Variants in MAGI2 observed in about 807,000 individuals in gnomAD.
MAGI2 encodes the protein membrane associated guanylate kinase, WW and PDZ domain containing 2.
Under a neutral mutation model 133.3 loss-of-function variants are expected in MAGI2, and 35 were observed. The ratio of observed to expected loss-of-function variants is 0.26; its 90% CI spans 0.20 to 0.35. The LOEUF (loss-of-function observed/expected upper bound fraction) is 0.35, where lower values mean the gene tolerates loss of function less well. Among genes scored for constraint, MAGI2 ranks in the 10% least tolerant of loss-of-function variants. The probability of loss-of-function intolerance (pLI) is 1.00; values close to 1 mark genes in which losing one functional copy is unlikely to be tolerated. For synonymous variants in MAGI2, 729 were observed against 710.6 expected (o/e 1.03, Z -0.41); for missense variants, 1,636 against 1,863.4 (o/e 0.88, Z 2.25).
chr7:78,036,482 G>A (rs375497590), intron 21 of MAGI2, among the ~76,000 whole-genome samples: 2 of 152,266 alleles, frequency 1.3e-5, no homozygotes, highest in South Asian at 4.1e-4. Context: ...CTGTGCATGC[G>A]TTCTGTCATT....
intron 1 of MAGI2, among the ~76,000 whole-genome samples, chr7:79,210,949 C>T (rs190151064): frequency 5.3e-5 from 8 of 152,080 alleles, no homozygotes; most frequent in East Asian, 3.9e-4. Flanking sequence ...ATTCACTAAC[C>T]TAAGTAACCA....
At chr7:78,184,077 A>G (rs1045098620) in intron 13 of MAGI2, among the ~76,000 whole-genome samples, 2 of 152,236 alleles carry the variant, frequency 1.3e-5, no homozygotes, top group Non-Finnish European at 2.9e-5. Flanking sequence ...TGTCAAAGTA[A>G]TCTAAACTAC....
At chr7:78,237,028 C>T (rs1311470528) in intron 10 of MAGI2, among the ~76,000 whole-genome samples, 1 of 152,072 alleles carries the variant, frequency 6.6e-6, no homozygotes, top group Non-Finnish European at 1.5e-5. Flanking sequence ...TCAGTTATCT[C>T]TCACCAGGTC....
In MAGI2 at chr7:78,318,767, A is replaced by T. The variant is rs575618748; in HGVS notation, c.1408+25011T>A. Among the ~76,000 whole-genome samples, 270 of 152,312 alleles carry T rather than the reference A, an allele frequency of 1.8e-3. 2 individuals are homozygous for T. Among genetic ancestry groups the T allele is most frequent in the African/African-American group, 6.3e-3 (263 of 41,570 alleles). On this transcript the variant is annotated intron_variant, in intron 9 of 21. Coordinates refer to ENST00000354212, the MANE Select transcript of MAGI2 (RefSeq NM_012301.4). ...AGGAAGCCCATCAGACTAACAGAGG[A>T]TCTCTCTGCAGAAACCCTACAAGCC...
At chr7:78,498,570 A>G (rs936602817) in intron 5 of MAGI2, among the ~76,000 whole-genome samples, 1 of 152,234 alleles carries the variant, frequency 6.6e-6, no homozygotes, top group African/African-American at 2.4e-5. Flanking sequence ...AGTAAAGCAC[A>G]GTAAACCATA....
chr7:78,995,570 G>GT (rs933433257), intron 2 of MAGI2, among the ~76,000 whole-genome samples: 11 of 151,982 alleles, frequency 7.2e-5, no homozygotes, highest in African/African-American at 1.2e-4. Context: ...TTATCCATAT[G>GT]TTTTTTCAAT....
intron 2 of MAGI2, among the ~76,000 whole-genome samples, chr7:78,984,577 C>T (rs1421908943): frequency 6.6e-6 from 1 of 151,868 alleles, no homozygotes; most frequent in East Asian, 1.9e-4. Context: ...AAGGTCCTGC[C>T]TTCAGATATA....
chr7:78,028,408 T>C (rs1809176888), intron 21 of MAGI2, among the ~76,000 whole-genome samples: 1 of 152,240 alleles, frequency 6.6e-6, no homozygotes, highest in South Asian at 2.1e-4. Flanking sequence ...AAGTTTTAGC[T>C]ACCTCTATGG....
chr7:79,184,000 G>A (rs1004115856), intron 1 of MAGI2, among the ~76,000 whole-genome samples: 13 of 151,296 alleles, frequency 8.6e-5, no homozygotes, highest in African/African-American at 3.2e-4. Context: ...GAGAGTGGGG[G>A]AAAGCAGAGA....
chr7:78,141,808 C>G (rs919852251), intron 16 of MAGI2, among the ~76,000 whole-genome samples: 1 of 152,164 alleles, frequency 6.6e-6, no homozygotes, highest in Non-Finnish European at 1.5e-5. Context: ...GGAAGAAGGG[C>G]TCATCACTGG....
At chr7:79,076,746 C>A (rs1470039825) in intron 1 of MAGI2, among the ~76,000 whole-genome samples, 1 of 152,130 alleles carries the variant, frequency 6.6e-6, no homozygotes, top group Non-Finnish European at 1.5e-5. Flanking sequence ...ACAATGTAGA[C>A]ATACTGTAGA....
chr7:78,551,313 A>C (rs1313830356), intron 3 of MAGI2, among the ~76,000 whole-genome samples: 1 of 152,246 alleles, frequency 6.6e-6, no homozygotes, highest in Non-Finnish European at 1.5e-5. Flanking sequence ...TTCTGGGCTA[A>C]TGCATAGCAA....
intron 1 of MAGI2, among the ~76,000 whole-genome samples, chr7:79,443,058 G>A (rs1563228810): frequency 6.6e-6 from 1 of 152,060 alleles, no homozygotes; most frequent in African/African-American, 2.4e-5. Context: ...GATCACTTGA[G>A]GTCAGGAGTT....
At chr7:78,937,542 C>G (rs1340770868) in intron 2 of MAGI2, among the ~76,000 whole-genome samples, 3 of 152,094 alleles carry the variant, frequency 2.0e-5, no homozygotes, top group Non-Finnish European at 2.9e-5. Flanking sequence ...AAAATGGAAT[C>G]TTTTCTGTGG....
chr7:79,277,114 G>A (rs1731087647), intron 1 of MAGI2, among the ~76,000 whole-genome samples: 1 of 152,084 alleles, frequency 6.6e-6, no homozygotes, highest in Admixed American at 6.6e-5. Flanking sequence ...AAATCTGTCA[G>A]GAAAGAAAGA....
At chr7:78,344,435 C>T (rs1480321372) in intron 8 of MAGI2, among the ~76,000 whole-genome samples, 3 of 151,730 alleles carry the variant, frequency 2.0e-5, no homozygotes. Context: ...TGGACATGGA[C>T]TTGTGATTTT....
At chr7:78,354,249 A>G (rs1285446437) in intron 7 of MAGI2, among the ~76,000 whole-genome samples, 1 of 152,242 alleles carries the variant, frequency 6.6e-6, no homozygotes, top group Admixed American at 6.5e-5. Context: ...TCTATGTTGA[A>G]CTGGATTTCT....
intron 1 of MAGI2, among the ~76,000 whole-genome samples, chr7:79,028,233 A>ATGTG (rs58121901): frequency 4.8e-5 from 5 of 104,910 alleles, no homozygotes; most frequent in African/African-American, 2.1e-4. Flanking sequence ...ATATATATGT[A>ATGTG]TGTATATATA....
At chr7:78,272,826 A>G (rs1794716708) in intron 9 of MAGI2, among the ~76,000 whole-genome samples, 1 of 151,944 alleles carries the variant, frequency 6.6e-6, no homozygotes. Flanking sequence ...TTTTGAGTCT[A>G]TGTGTGTCTT....
Sources: allele counts gnomAD v4.1 joint callset (sites outside exome capture counted in the v4.1 genomes callset), GRCh38; gene constraint gnomAD v4.1.1; transcripts MANE v1.5; gene names NCBI Gene and HGNC (gene_info 2026-07-23, HGNC 2026-07-21).